PKHD1: variants seen among roughly 807,000 people sequenced by gnomAD.
PKHD1 encodes the protein fibrocystin.
PKHD1 carries 291 observed loss-of-function variants against 412.0 expected under a neutral mutation model. The observed-to-expected ratio is 0.71, with a 90% confidence interval of 0.64 to 0.78. PKHD1 has a LOEUF of 0.78. Among genes scored for constraint, PKHD1 ranks in the 30% least tolerant of loss-of-function variants. The probability of loss-of-function intolerance (pLI) is 0.00; values close to 1 mark genes in which losing one functional copy is unlikely to be tolerated. For missense variants in PKHD1, 4,825 were observed against 4,950.7 expected (o/e 0.97, Z 0.76); for synonymous variants, 1,777 against 1,821.5 (o/e 0.98, Z 0.62).
chr6:51,807,112 C>T (rs1423739674), intron 52 of PKHD1, among the ~76,000 whole-genome samples: 2 of 151,928 alleles, frequency 1.3e-5, no homozygotes, highest in African/African-American at 2.4e-5. Flanking sequence ...ATGATCTCTA[C>T]TATAAAACTC....
chr6:52,032,976 T>G, intron 29 of PKHD1, 54 bp downstream of exon 29: 4 of 1,519,626 alleles, frequency 2.6e-6, no homozygotes, highest in Non-Finnish European at 3.7e-6. Context: ...ATTGCCCTTT[T>G]TATAGGACCA....
Position 52,042,894 on chromosome 6 carries a change from A to C in PKHD1, c.3062T>G (p.Leu1021Arg), listed in dbSNP as rs1805150215. The change falls in exon 27 of 67, where the codon CTG becomes CGG. Residue 1021 changes from leucine (L) to arginine (R), a missense_variant. Coordinates refer to ENST00000371117, the MANE Select transcript of PKHD1 (RefSeq NM_138694.4). ...AGCTCTGGAAGGCTCCACCATATCCAGTCTAGGTTTCACATTTAGGAAGAG... is the reference window on the plus strand; with the variant it reads ...AGCTCTGGAAGGCTCCACCATATCCCGTCTAGGTTTCACATTTAGGAAGAG... ...EDLFLNVKPRLDMVEPSRAAD... is the reference protein window; with the variant it reads ...EDLFLNVKPRRDMVEPSRAAD... 2 of 1,613,848 alleles carry C rather than the reference A, an allele frequency of 1.2e-6. No homozygotes were observed. Among genetic ancestry groups the C allele is most frequent in the Admixed American group, 1.7e-5 (1 of 59,982 alleles).
At chr6:51,781,698 ATAT>A (rs529862484) in intron 53 of PKHD1, among the ~76,000 whole-genome samples, 52 of 152,188 alleles carry the variant, frequency 3.4e-4, no homozygotes, top group African/African-American at 1.2e-3. Flanking sequence ...GCTCTTAGCA[ATAT>A]TAATAATAGT....
At chr6:52,042,244 C>T (rs1262258970) in intron 27 of PKHD1, among the ~76,000 whole-genome samples, 2 of 152,122 alleles carry the variant, frequency 1.3e-5, no homozygotes, top group Non-Finnish European at 2.9e-5. Context: ...GAGTTTGTGG[C>T]CAAACCACAC....
intron 36 of PKHD1, among the ~76,000 whole-genome samples, chr6:51,952,945 T>A (rs1450353603): frequency 1.3e-5 from 2 of 152,070 alleles, no homozygotes; most frequent in Admixed American, 6.6e-5. Flanking sequence ...TACAAGACAT[T>A]TTCTCCCTAC....
At chr6:51,966,885 T>TGATTG (rs10599413) in intron 35 of PKHD1, among the ~76,000 whole-genome samples, 18,331 of 149,938 alleles carry the variant, frequency 0.12, 1,172 homozygotes, top group East Asian at 0.13. Flanking sequence ...GAGACTGCTC[T>TGATTG]GATTGGATTG....
intron 63 of PKHD1, among the ~76,000 whole-genome samples, chr6:51,639,829 T>G (rs1318198481): frequency 2.6e-5 from 4 of 152,250 alleles, no homozygotes; most frequent in Non-Finnish European, 5.9e-5. Flanking sequence ...TAGATTGGTT[T>G]GAGATCTCTA....
At chr6:51,722,165 G>T in intron 60 of PKHD1, 2 of 1,382,608 alleles carry the variant, frequency 1.4e-6, no homozygotes, top group South Asian at 1.3e-5. Flanking sequence ...CTTTACTCAT[G>T]CCCGCCCTCA....
At chr6:51,970,369 G>T (rs531481914) in intron 35 of PKHD1, among the ~76,000 whole-genome samples, 1 of 152,254 alleles carries the variant, frequency 6.6e-6, no homozygotes, top group African/African-American at 2.4e-5. Flanking sequence ...TGTATCTGTA[G>T]TTTGCAAATA....
At chr6:51,892,742 C>A (rs73431522) in intron 43 of PKHD1, among the ~76,000 whole-genome samples, 1 of 152,044 alleles carries the variant, frequency 6.6e-6, no homozygotes, top group Non-Finnish European at 1.5e-5. Flanking sequence ...CATTTAAAAC[C>A]ATTAGATGAG....
chr6:51,868,198 A>G, intron 47 of PKHD1, 89 bp from the exon 48 acceptor site: 1 of 1,165,826 alleles, frequency 8.6e-7, no homozygotes, highest in Non-Finnish European at 1.3e-6. Flanking sequence ...TTTAAATTGC[A>G]TATTTATCTA....
intron 48 of PKHD1, among the ~76,000 whole-genome samples, chr6:51,859,693 A>T (rs1773892874): frequency 6.6e-6 from 1 of 152,114 alleles, no homozygotes; most frequent in Non-Finnish European, 1.5e-5. Context: ...TTTACAGACC[A>T]ATTTTTAGGA....
chr6:51,797,044 A>G (rs529029685), intron 52 of PKHD1, among the ~76,000 whole-genome samples: 2 of 152,108 alleles, frequency 1.3e-5, no homozygotes, highest in South Asian at 4.2e-4. Flanking sequence ...GAACTCCTGA[A>G]CTCAGGCAAT....
Position 51,746,746 on chromosome 6 carries a change from A to T in PKHD1, c.9973T>A (p.Phe3325Ile), listed in dbSNP as rs199924729. The change falls in exon 59 of 67, where the codon TTC (phenylalanine) becomes ATC (isoleucine). Residue 3325 changes from phenylalanine (F) to isoleucine (I), a missense_variant. Transcript: ENST00000371117. ...RMLKIKDKNK[F>I]YFPSLQPRKD... ...CTGGGTTGTAATGAAGGAAAGTAGA[A>T]CTTGTTTTTATCTTTTATCTTTAGC... 6.2e-7 allele frequency: 1 copy of T among 1,608,788 alleles called. No homozygotes were observed. Among genetic ancestry groups the T allele is most frequent in the Non-Finnish European group, 8.5e-7 (1 of 1,175,494 alleles).
chr6:51,974,055 C>G (rs2474894), intron 35 of PKHD1, among the ~76,000 whole-genome samples: 1 of 151,930 alleles, frequency 6.6e-6, no homozygotes, highest in African/African-American at 2.4e-5. Flanking sequence ...CATCCCAGTA[C>G]GGGTGAATCA....
At chr6:51,885,241 T>C (rs560752168) in intron 45 of PKHD1, among the ~76,000 whole-genome samples, 114 of 152,194 alleles carry the variant, frequency 7.5e-4, no homozygotes, top group Non-Finnish European at 1.4e-3. Flanking sequence ...AAGAAAATCA[T>C]TGGGATAATG....
In PKHD1 at chr6:51,659,416, T is replaced by C. The variant is rs1195084188; in HGVS notation, c.10710A>G (p.Ser3570=). 6.2e-7 allele frequency: 1 copy of C among 1,613,744 alleles called. No individual in the cohort carries two copies. ...SIHLALTVMV[S]VLEKGWEIVI... is the part of the protein sequence containing the mutation. ...CTATTTCCCAGCCTTTTTCTAAGAC[T>C]GAAACCATCACAGTGAGGGCCAAGT... The change falls in exon 61 of 67, where the codon TCA becomes TCG. Residue 3570 remains serine, a synonymous_variant. Transcript: ENST00000371117.
chr6:51,896,481 C>T (rs977047288), intron 43 of PKHD1, among the ~76,000 whole-genome samples: 3 of 151,998 alleles, frequency 2.0e-5, no homozygotes, highest in Non-Finnish European at 4.4e-5. Context: ...AACTAACAAA[C>T]AGAAAGGACA....
At chr6:51,839,595 A>C (rs2151571332) in intron 50 of PKHD1, among the ~76,000 whole-genome samples, 1 of 152,304 alleles carries the variant, frequency 6.6e-6, no homozygotes, top group Admixed American at 6.5e-5. Flanking sequence ...GTTGTGTCTG[A>C]AGAACTCTAT....
Sources: allele counts gnomAD v4.1 joint callset (sites outside exome capture counted in the v4.1 genomes callset), GRCh38; gene constraint gnomAD v4.1.1; transcripts MANE v1.5; gene names NCBI Gene and HGNC (gene_info 2026-07-23, HGNC 2026-07-21).